Variants in PRKCQ observed in about 807,000 individuals in gnomAD.
PRKCQ encodes protein kinase C theta type.
A neutral mutation model predicts 91.2 loss-of-function variants in PRKCQ; 41 were observed. The observed-to-expected ratio is 0.45, with a 90% CI of 0.35 to 0.58. The LOEUF is 0.58. Among genes scored for constraint, PRKCQ ranks in the 20% least tolerant of loss-of-function variants. The pLI, the probability that PRKCQ is intolerant of heterozygous loss-of-function variation, is 0.00. For missense variants in PRKCQ, 673 were observed against 896.5 expected, an observed-to-expected ratio of 0.75 and a Z score of 3.18; for synonymous variants, 307 against 316.9, an observed-to-expected ratio of 0.97 and a Z score of 0.33.
At chr10:6,483,752 T>C (rs1836745724) in intron 10 of PRKCQ, 152 bp from the exon 11 acceptor site, 4 of 852,274 alleles carry the variant, frequency 4.7e-6, no homozygotes, top group Non-Finnish European at 5.3e-6. Flanking sequence ...TTCAGGCAGC[T>C]TTAATACCTT....
chr10:6,497,197 G>A lies in PRKCQ; in HGVS notation c.574+23C>T. On this transcript the variant is annotated intron_variant, in intron 6 of 17. Coordinates refer to ENST00000263125, the MANE Select transcript of PRKCQ (RefSeq NM_006257.5). This position sits in a 1 kb window ranked among gnomAD's most constrained non-coding sequence, Gnocchi z 4.5. ...ACTAAATAAAAAGAATGATGGTAAT[G>A]CAACCAAAACCCTCTTACTTACGTC... 6.2e-7 allele frequency: 1 copy of A among 1,614,146 alleles called. No individual in the cohort carries two copies. The highest frequency in any genetic ancestry group is 1.1e-5 in the South Asian group (1 of 91,078).
At chr10:6,428,858 T>C (rs1192182586) in intron 17 of PRKCQ, among the ~76,000 whole-genome samples, 1 of 152,184 alleles carries the variant, frequency 6.6e-6, no homozygotes, top group Non-Finnish European at 1.5e-5. Flanking sequence ...CCTGCCCTTG[T>C]TAATTTTATT....
chr10:6,398,490 C>G, the PRKCQ span, among the ~76,000 whole-genome samples: 1 of 152,226 alleles, frequency 6.6e-6, no homozygotes, highest in African/African-American at 2.4e-5. Context: ...TGTTCAACAA[C>G]AGGAAAATTC....
intron 1 of PRKCQ, among the ~76,000 whole-genome samples, chr10:6,546,417 A>G (rs1483310736): frequency 6.6e-6 from 1 of 152,196 alleles, no homozygotes; most frequent in Non-Finnish European, 1.5e-5. Context: ...TGCAAGGAAT[A>G]TACACAAAGC....
chr10:6,484,307 G>A (rs1230274461), intron 10 of PRKCQ, among the ~76,000 whole-genome samples: 2 of 152,110 alleles, frequency 1.3e-5, no homozygotes, highest in Non-Finnish European at 2.9e-5. Context: ...CCAGGTACTC[G>A]GGAAGCTGAG....
chr10:6,563,389 C>T (rs1408013202), intron 1 of PRKCQ, among the ~76,000 whole-genome samples: 1 of 152,050 alleles, frequency 6.6e-6, no homozygotes, highest in Non-Finnish European at 1.5e-5. Flanking sequence ...TCAGGGCTCT[C>T]CCCATGGGGA....
At chr10:6,420,135 C>T in the PRKCQ span, among the ~76,000 whole-genome samples, 3 of 152,100 alleles carry the variant, frequency 2.0e-5, no homozygotes, top group South Asian at 4.1e-4. Context: ...ATTATAGGTG[C>T]GCACTACCAC....
chr10:6,505,430 T>C (rs1838141302), intron 4 of PRKCQ, among the ~76,000 whole-genome samples: 2 of 152,032 alleles, frequency 1.3e-5, no homozygotes, highest in African/African-American at 4.8e-5. Flanking sequence ...CCTTCCTTCC[T>C]TTCTTCCTTC....
chr10:6,511,317 A>T, intron 2 of PRKCQ, 123 bp from the exon 3 acceptor site: 1 of 886,158 alleles, frequency 1.1e-6, no homozygotes, highest in Non-Finnish European at 1.8e-6. Flanking sequence ...TTGGGAAGAC[A>T]AAAGTAGCAC....
the PRKCQ span, among the ~76,000 whole-genome samples, chr10:6,404,272 G>GAGAGAGAGAT: frequency 2.7e-5 from 4 of 147,612 alleles, no homozygotes; most frequent in Non-Finnish European, 6.0e-5. Flanking sequence ...GAGAGAGAGA[G>GAGAGAGAGAT]AGAGAGAGAG....
At chr10:6,547,385 T>G (rs571433546) in intron 1 of PRKCQ, among the ~76,000 whole-genome samples, 1,535 of 151,240 alleles carry the variant, frequency 0.01, 21 homozygotes, top group African/African-American at 0.036. Flanking sequence ...AAAACTACTT[T>G]AAAGTTCATA....
chr10:6,481,474 T>C (rs200338440), intron 11 of PRKCQ, among the ~76,000 whole-genome samples: 9 of 152,222 alleles, frequency 5.9e-5, no homozygotes, highest in Non-Finnish European at 1.2e-4. Flanking sequence ...GGCTGTAACA[T>C]TGCCTATTAT....
chr10:6,547,952 A>G (rs1840027211), intron 1 of PRKCQ, among the ~76,000 whole-genome samples: 1 of 150,086 alleles, frequency 6.7e-6, no homozygotes, highest in Admixed American at 6.6e-5. Flanking sequence ...GGCAACCTAC[A>G]AAATGGGAGA....
intron 16 of PRKCQ, among the ~76,000 whole-genome samples, chr10:6,440,857 G>A (rs584820): frequency 0.45 from 68,783 of 151,860 alleles, 16,399 homozygotes; most frequent in East Asian, 0.86. Flanking sequence ...GAGTGTGGTC[G>A]TGCACCTGTG....
the PRKCQ span, among the ~76,000 whole-genome samples, chr10:6,412,666 A>C: frequency 6.6e-6 from 1 of 152,262 alleles, no homozygotes; most frequent in Non-Finnish European, 1.5e-5. Flanking sequence ...TTCAGAAAAC[A>C]GCATTGAGTC....
At chr10:6,416,142 G>T in the PRKCQ span, among the ~76,000 whole-genome samples, 2 of 152,174 alleles carry the variant, frequency 1.3e-5, no homozygotes, top group Non-Finnish European at 2.9e-5. Flanking sequence ...TAGCCATTTG[G>T]ATTCTTGATA....
rs1352697189 is a variant in PRKCQ, at chr10:6,430,091, G to A, written c.1965+719C>T. Among the ~76,000 whole-genome samples, 4 of 152,186 alleles carry A rather than the reference G, an allele frequency of 2.6e-5. No individual in the cohort carries two copies. The highest frequency in any genetic ancestry group is 9.7e-5 in the African/African-American group (4 of 41,442). On this transcript the variant is annotated intron_variant, in intron 17 of 17. Coordinates refer to ENST00000263125, the MANE Select transcript of PRKCQ (RefSeq NM_006257.5). This position sits in a 1 kb window ranked among gnomAD's most constrained non-coding sequence, Gnocchi z 4.7. ...GCTGACCTCGAACTCCTGACCTCAG[G>A]TGATCCACCCGCCTCGGCTTTCCAA...
chr10:6,554,240 A>G (rs76842169), intron 1 of PRKCQ, among the ~76,000 whole-genome samples: 1 of 152,312 alleles, frequency 6.6e-6, no homozygotes, highest in East Asian at 1.9e-4. Flanking sequence ...GCCAGTTGGT[A>G]CCAAAGTCCA....
At chr10:6,426,612 G>GTGTC (rs1286336238), downstream of PRKCQ, among the ~76,000 whole-genome samples, 1 of 152,156 alleles carries the variant, frequency 6.6e-6, no homozygotes, top group Non-Finnish European at 1.5e-5. Context: ...TTTTAGGGGA[G>GTGTC]TGTCTATTTA....
Sources: gnomAD v4.1 joint callset for allele counts (sites outside exome capture counted in the v4.1 genomes callset) on GRCh38, gnomAD v4.1.1 for gene constraint, Gnocchi (gnomAD v3.1) non-coding constraint, MANE v1.5 for transcripts, NCBI Gene and HGNC (gene_info 2026-07-23, HGNC 2026-07-21) for gene names.